The following CERS6 variants were observed in gnomAD, a reference collection of about 807,000 sequenced individuals.
The protein encoded by CERS6 is LAG1 homolog, ceramide synthase 6.
In CERS6, 26 loss-of-function variants were observed where a neutral mutation model predicts 56.8. The observed-to-expected ratio is 0.46, with a 90% CI of 0.34 to 0.63. CERS6 has a LOEUF of 0.63. CERS6 is among the 30% of genes least tolerant of loss of function. The pLI, the probability that CERS6 is intolerant of heterozygous loss-of-function variation, is 0.01. For missense variants in CERS6, 415 were observed against 467.5 expected (o/e 0.89, Z 1.04); for synonymous variants, 164 against 173.3 (o/e 0.95, Z 0.42).
chr2:168,478,090 G>GT (rs34329011), intron 1 of CERS6, among the ~76,000 whole-genome samples: 2 of 149,852 alleles, frequency 1.3e-5, no homozygotes, highest in African/African-American at 4.9e-5. Context: ...ATCATTCAGG[G>GT]TTTTTTTTTT....
At chr2:168,544,579 TA>T (rs1252042883) in intron 1 of CERS6, among the ~76,000 whole-genome samples, 3 of 152,050 alleles carry the variant, frequency 2.0e-5, no homozygotes, top group Non-Finnish European at 4.4e-5. Flanking sequence ...TTGGGTTGGA[TA>T]GGGGAGCTGG....
At chr2:168,636,827 C>G (rs1031761968) in intron 4 of CERS6, among the ~76,000 whole-genome samples, 6 of 152,140 alleles carry the variant, frequency 3.9e-5, no homozygotes, top group African/African-American at 1.4e-4. Flanking sequence ...GGCTGGCATT[C>G]TATCTGAGAG....
Position 168,507,441 on chromosome 2 carries a change from G to GA in CERS6, c.171-40155_171-40154insA, listed in dbSNP as rs1053206439. Among the ~76,000 whole-genome samples, 624 of 152,084 alleles carry GA rather than the reference G, an allele frequency of 4.1e-3. 6 individuals are homozygous for GA. Among genetic ancestry groups the GA allele is most frequent in the African/African-American group, 0.014 (592 of 41,506 alleles). ...CTTTAAGTAGGATATAGATCCTTCTGGTGTTTCCTCATGACTGGGCTCAGT... is the reference window on the plus strand; with the variant it reads ...CTTTAAGTAGGATATAGATCCTTCTGAGTGTTTCCTCATGACTGGGCTCAGT... On this transcript the variant is annotated intron_variant, in intron 1 of 9. Coordinates refer to ENST00000305747, the MANE Select transcript of CERS6 (RefSeq NM_203463.3).
intron 3 of CERS6, among the ~76,000 whole-genome samples, chr2:168,603,039 A>G (rs554816634): frequency 3.9e-5 from 6 of 152,356 alleles, no homozygotes; most frequent in African/African-American, 1.4e-4. Context: ...TGAGCCTGTA[A>G]CAATGATCTT....
At chr2:168,521,503 G>A (rs1430197345) in intron 1 of CERS6, among the ~76,000 whole-genome samples, 1 of 152,150 alleles carries the variant, frequency 6.6e-6, no homozygotes, top group Non-Finnish European at 1.5e-5. Context: ...AAGAAGAGGA[G>A]GAGGGGAGGG....
intron 2 of CERS6, among the ~76,000 whole-genome samples, chr2:168,548,400 G>T (rs546784014): frequency 6.6e-6 from 1 of 152,252 alleles, no homozygotes; most frequent in African/African-American, 2.4e-5. Context: ...GAACAAAGAG[G>T]GAGGAGAAAG....
intron 1 of CERS6, among the ~76,000 whole-genome samples, chr2:168,470,632 T>C (rs1283125691): frequency 1.3e-5 from 2 of 152,150 alleles, no homozygotes; most frequent in African/African-American, 4.8e-5. Context: ...CTTCACCCAG[T>C]GTGTGTTAAG....
At chr2:168,739,641 TG>T (rs1289881552) in intron 8 of CERS6, among the ~76,000 whole-genome samples, 3 of 152,218 alleles carry the variant, frequency 2.0e-5, no homozygotes, top group Admixed American at 2.0e-4. Flanking sequence ...TATTTTATGC[TG>T]TTATTTTATT....
intron 3 of CERS6, among the ~76,000 whole-genome samples, chr2:168,586,767 A>G (rs1901832): frequency 0.99 from 151,512 of 152,326 alleles, 75,353 homozygotes; most frequent in East Asian, 1. Context: ...TTCCTGTCAT[A>G]AAAAGTGAGA....
intron 3 of CERS6, among the ~76,000 whole-genome samples, chr2:168,579,266 T>A (rs1683350623): frequency 6.6e-6 from 1 of 152,162 alleles, no homozygotes; most frequent in African/African-American, 2.4e-5. Context: ...AAGGAGCCCG[T>A]GGAGTTGGGG....
chr2:168,597,901 G>C (rs1193964674), intron 3 of CERS6, among the ~76,000 whole-genome samples: 1 of 152,140 alleles, frequency 6.6e-6, no homozygotes, highest in African/African-American at 2.4e-5. Context: ...AGACTTTAAT[G>C]TGTTTGGAAT....
At chr2:168,697,732 T>C (rs1686696032) in intron 6 of CERS6, among the ~76,000 whole-genome samples, 1 of 152,132 alleles carries the variant, frequency 6.6e-6, no homozygotes, top group Non-Finnish European at 1.5e-5. Context: ...ACATTACAGG[T>C]AGTTAGCCTT....
At chr2:168,475,155 A>T (rs1417587503) in intron 1 of CERS6, among the ~76,000 whole-genome samples, 3 of 152,062 alleles carry the variant, frequency 2.0e-5, no homozygotes, top group Non-Finnish European at 2.9e-5. Flanking sequence ...TTATTTTTTT[A>T]TACCAATAGG....
At chr2:168,510,257 G>T (rs1156637511) in intron 1 of CERS6, among the ~76,000 whole-genome samples, 2 of 152,136 alleles carry the variant, frequency 1.3e-5, no homozygotes, top group Non-Finnish European at 2.9e-5. Flanking sequence ...GAACCCAGAG[G>T]CTTGTTAGAA....
At chr2:168,741,203 G>A (rs1471829746) in intron 8 of CERS6, among the ~76,000 whole-genome samples, 1 of 152,012 alleles carries the variant, frequency 6.6e-6, no homozygotes, top group Admixed American at 6.6e-5. Context: ...GCAAAATTGG[G>A]GAATAAAAGC....
intron 4 of CERS6, among the ~76,000 whole-genome samples, chr2:168,666,644 A>G (rs561554345): frequency 1.3e-5 from 2 of 152,278 alleles, no homozygotes; most frequent in Non-Finnish European, 1.5e-5. Context: ...GTTCATTTGG[A>G]TAAATACCAA....
chr2:168,769,666 C>T lies in CERS6; in HGVS notation c.*4C>T, dbSNP rs1316723675. 4 of 1,609,944 alleles carry T rather than the reference C, an allele frequency of 2.5e-6. No individual in the cohort carries two copies. Among genetic ancestry groups the T allele is most frequent in the Non-Finnish European group, 3.4e-6 (4 of 1,178,710 alleles). On this transcript the variant is annotated 3_prime_UTR_variant, in exon 10 of 10. Transcript: ENST00000305747. ...CTCCTGCTCCATGGATGATTAATTA[C>T]TCAAAACTACAAGTCCCAAGCAAAG... is the stretch of plus-strand genomic sequence containing the variant.
chr2:168,727,775 C>G (rs1051193865), intron 8 of CERS6, among the ~76,000 whole-genome samples: 9 of 152,190 alleles, frequency 5.9e-5, no homozygotes, highest in African/African-American at 2.2e-4. Flanking sequence ...ACTTTTCATG[C>G]AATCCCTTGA....
intron 3 of CERS6, among the ~76,000 whole-genome samples, chr2:168,628,425 C>T (rs903681584): frequency 5.9e-5 from 9 of 152,190 alleles, no homozygotes; most frequent in African/African-American, 2.2e-4. Context: ...TATAAAGCAG[C>T]TATCTCCAAT....
Sources: gnomAD v4.1 joint callset for allele counts (sites outside exome capture counted in the v4.1 genomes callset) on GRCh38, gnomAD v4.1.1 for gene constraint, MANE v1.5 for transcripts, NCBI Gene and HGNC (gene_info 2026-07-23, HGNC 2026-07-21) for gene names.